The following NRROS variants were observed in gnomAD, a reference collection of about 807,000 sequenced individuals.
NRROS encodes the protein negative regulator of reactive oxygen species, also known as transforming growth factor beta activator LRRC33.
In NRROS, 6 loss-of-function variants were observed where a neutral mutation model predicts 12.0. That is an observed-to-expected ratio of 0.50 (90% CI 0.27 to 0.98). The LOEUF (loss-of-function observed/expected upper bound fraction) is 0.98. Ranked by LOEUF, NRROS falls within the 50% of genes least tolerant of loss-of-function variation. The probability of loss-of-function intolerance (pLI) is 0.11; values close to 1 mark genes in which losing one functional copy is unlikely to be tolerated. For missense variants in NRROS, 857 were observed against 888.2 expected (o/e 0.96, Z 0.45); for synonymous variants, 462 against 410.2 (o/e 1.13, Z -1.53).
intron 1 of NRROS, among the ~76,000 whole-genome samples, chr3:196,645,148 A>G (rs1175602114): frequency 6.6e-6 from 1 of 152,216 alleles, no homozygotes; most frequent in African/African-American, 2.4e-5. Flanking sequence ...ACACTGCCAT[A>G]TGAATTACTG....
In NRROS at chr3:196,648,766, C is replaced by CAAAAAAA. The variant is rs34359599; in HGVS notation, c.-13-5743_-13-5737dup. On this transcript the variant is annotated intron_variant, in intron 1 of 2. Transcript: ENST00000328557. The stretch of plus-strand genomic sequence containing the variant: ...GGGCAACAAGAGTGAAACTCCATCT[C>CAAAAAAA]AAAAAAAAAAAAAAAAAAAAAAAAT... Among the ~76,000 whole-genome samples the CAAAAAAA allele has an allele frequency of 7.3e-3, 549 of 74,734 alleles. 23 individuals are homozygous for CAAAAAAA. Among genetic ancestry groups the CAAAAAAA allele is most frequent in the African/African-American group, 0.021 (376 of 17,508 alleles). The allele number at this position is 74,734 out of a possible 152,430, so 49.0% of individuals were successfully genotyped here.
chr3:196,646,051 C>G (rs1186941565), intron 1 of NRROS, among the ~76,000 whole-genome samples: 1 of 152,260 alleles, frequency 6.6e-6, no homozygotes, highest in Non-Finnish European at 1.5e-5. Context: ...CCCCCGCCCA[C>G]TAAACGTGAA....
intron 1 of NRROS, among the ~76,000 whole-genome samples, chr3:196,641,065 G>A (rs7636495): frequency 0.14 from 21,139 of 151,884 alleles, 1,678 homozygotes; most frequent in Non-Finnish European, 0.18. Context: ...TTGTGTGTGT[G>A]TGCCCGAGAG....
Position 196,660,973 on chromosome 3 carries a change from C to A in NRROS, c.1330C>A (p.Pro444Thr), listed in dbSNP as rs748858339. The A allele has an allele frequency of 1.9e-6, 3 of 1,614,210 alleles. No homozygotes were observed. The highest frequency in any genetic ancestry group is 2.2e-5 in the South Asian group (2 of 91,088). ...CAATCAGATCTCACTTTGTCCCCTG[C>A]CAGCTGCCTCGGACCGGGTGGGCCC... ...SHNQISLCPLPAASDRVGPPS... is the reference protein window; with the variant it reads ...SHNQISLCPLTAASDRVGPPS... The change falls in exon 3 of 3, where the codon CCA becomes ACA. Residue 444 changes from proline (P) to threonine (T), a missense_variant. By Grantham distance (38) the Pro-to-Thr change is conservative. Coordinates refer to ENST00000328557, the MANE Select transcript of NRROS (RefSeq NM_198565.3). This position sits in a 1 kb window ranked among gnomAD's most constrained non-coding sequence, Gnocchi z 7.7.
intron 2 of NRROS, among the ~76,000 whole-genome samples, chr3:196,658,130 A>G (rs1043307842): frequency 6.6e-6 from 1 of 152,208 alleles, no homozygotes; most frequent in African/African-American, 2.4e-5. Flanking sequence ...TATTCATGAG[A>G]TGAATGCATA....
In NRROS at chr3:196,659,902, A is replaced by C. The variant is rs1204033609; in HGVS notation, c.259A>C (p.Ser87Arg). Residue 87 changes from serine (S) to arginine (R), a missense_variant, in exon 3 of 3, where the codon AGC (serine) becomes CGC (arginine). By Grantham distance (110) the Ser-to-Arg change is moderately radical. Transcript: ENST00000328557. Reference protein sequence around the residue: ...LQPYPLLESLSLHSCHLERIS... With the variant: ...LQPYPLLESLRLHSCHLERIS... ...GCCTTACCCTCTCCTGGAGAGCCTC[A>C]GCCTGCACAGCTGCCACCTGGAGCG... The C allele has an allele frequency of 4.3e-6, 7 of 1,613,980 alleles. No homozygotes were observed. Among genetic ancestry groups the C allele is most frequent in the Non-Finnish European group, 5.9e-6 (7 of 1,179,996 alleles).
rs1407934369 is a variant in NRROS, at chr3:196,654,979, G to T, written c.108+332G>T. On this transcript the variant is annotated intron_variant, in intron 2 of 2. Transcript: ENST00000328557. This position sits in a 1 kb window ranked among gnomAD's most constrained non-coding sequence, Gnocchi z 4.4. ...AGGCCGGGTGCAGTGGCTCAGGCCT[G>T]TAATCCCAGCACTTTAGGAGGCCGA... 1 of 238,426 alleles carries T rather than the reference G, an allele frequency of 4.2e-6. No homozygotes were observed. Among genetic ancestry groups the T allele is most frequent in the Non-Finnish European group, 8.2e-6 (1 of 121,812 alleles). 14.8% of individuals were successfully genotyped at this position (238,426 alleles called of 1,614,324 possible).
intron 1 of NRROS, among the ~76,000 whole-genome samples, chr3:196,650,811 G>T (rs551298263): frequency 6.6e-6 from 1 of 152,320 alleles, no homozygotes; most frequent in Admixed American, 6.5e-5. Flanking sequence ...TGGCTATGGA[G>T]TAGACTCACA....
chr3:196,651,221 A>C (rs1365519455), intron 1 of NRROS, among the ~76,000 whole-genome samples: 1 of 152,194 alleles, frequency 6.6e-6, no homozygotes, highest in Non-Finnish European at 1.5e-5. Flanking sequence ...CACTATTTTG[A>C]AAGCCTTTTA....
chr3:196,645,718 A>T (rs1396882987), intron 1 of NRROS, among the ~76,000 whole-genome samples: 1 of 152,086 alleles, frequency 6.6e-6, no homozygotes, highest in Non-Finnish European at 1.5e-5. Flanking sequence ...GTGGGGGGAT[A>T]TATTTTCATT....
At chr3:196,646,567 C>T (rs935309160) in intron 1 of NRROS, among the ~76,000 whole-genome samples, 18 of 152,342 alleles carry the variant, frequency 1.2e-4, no homozygotes, top group African/African-American at 3.8e-4. Flanking sequence ...ACCAGGCCGA[C>T]GCTGACCACG....
In NRROS at chr3:196,660,508, G is replaced by C; in HGVS notation, c.865G>C (p.Asp289His). 1 of 1,614,112 alleles carries C rather than the reference G, an allele frequency of 6.2e-7. No individual in the cohort carries two copies. Among genetic ancestry groups the C allele is most frequent in the Non-Finnish European group, 8.5e-7 (1 of 1,180,024 alleles). The change falls in exon 3 of 3, where the codon GAC (aspartate) becomes CAC (histidine). Residue 289 changes from aspartate to histidine, a missense_variant. Physicochemically the swap from Asp to His is moderately conservative, Grantham distance 81. Coordinates refer to ENST00000328557, the MANE Select transcript of NRROS (RefSeq NM_198565.3). The surrounding 1 kb of genome is among the most constrained non-coding windows in gnomAD (Gnocchi z 7.7). The part of the protein sequence containing the change: ...LRDNNMGFYR[D>H]LYNTSSPREM... ...CGACAACAACATGGGCTTCTACCGG[G>C]ACCTGTACAACACCTCGTCGCCGAG...
In NRROS at chr3:196,645,673, A is replaced by G. The variant is rs1235857376; in HGVS notation, c.-14+5798A>G. Among the ~76,000 whole-genome samples, 3 of 152,118 alleles carry G rather than the reference A, an allele frequency of 2.0e-5. No homozygotes were observed. The East Asian group carries it at 5.8e-4, about 29-fold the overall frequency. On this transcript the variant is annotated intron_variant, in intron 1 of 2. Transcript: ENST00000328557. ...GGAATCCATATGCTTTCGTTCTTCAATCGTACACTTTCTCAAGGAAACCAA... is the reference window on the plus strand; with the variant it reads ...GGAATCCATATGCTTTCGTTCTTCAGTCGTACACTTTCTCAAGGAAACCAA...
At position 196,660,023 on chromosome 3, in the gene NRROS, C is replaced by T. The variant is rs1261488095; in HGVS notation, c.380C>T (p.Ala127Val). The change falls in exon 3 of 3, where the codon GCC becomes GTC. Residue 127 changes from alanine (A) to valine (V), a missense_variant. Transcript: ENST00000328557. The surrounding 1 kb of genome is among the most constrained non-coding windows in gnomAD (Gnocchi z 7.7). ...LSENYEETAA[A>V]LHALPGLRRL... ...GAGAACTACGAAGAGACGGCAGCCG[C>T]CCTCCACGCCCTGCCGGGCCTGCGG... The T allele has an allele frequency of 6.2e-7, 1 of 1,613,372 alleles. No individual in the cohort carries two copies. Among genetic ancestry groups the T allele is most frequent in the Non-Finnish European group, 8.5e-7 (1 of 1,179,936 alleles).
intron 2 of NRROS, 21 bp from the exon 3 acceptor site, chr3:196,659,731 C>T: frequency 6.3e-7 from 1 of 1,594,610 alleles, no homozygotes; most frequent in African/African-American, 1.3e-5. Context: ...TCGCTGCTGA[C>T]CGGTGTGGTT....
Position 196,660,911 on chromosome 3 carries a change from C to T in NRROS, c.1268C>T (p.Ala423Val). 6.2e-7 allele frequency: 1 copy of T among 1,614,172 alleles called. No individual in the cohort carries two copies. Among genetic ancestry groups the T allele is most frequent in the East Asian group, 2.2e-5 (1 of 44,880 alleles). Residue 423 changes from alanine to valine, a missense_variant, in exon 3 of 3, where the codon GCC becomes GTC. Transcript: ENST00000328557. The surrounding 1 kb of genome is among the most constrained non-coding windows in gnomAD (Gnocchi z 7.7). ...CTGGGCGTCCCCCCTGGCCTCTTCGCCAATGCTAGGAACATCACTACACTT... is the reference window on the plus strand; with the variant it reads ...CTGGGCGTCCCCCCTGGCCTCTTCGTCAATGCTAGGAACATCACTACACTT... ...QLLGVPPGLFANARNITTLDM... is the reference protein window; with the variant it reads ...QLLGVPPGLFVNARNITTLDM...
chr3:196,641,421 C>T (rs965695645), intron 1 of NRROS, among the ~76,000 whole-genome samples: 1 of 152,092 alleles, frequency 6.6e-6, no homozygotes, highest in Non-Finnish European at 1.5e-5. Flanking sequence ...TGCTGTGTTG[C>T]CCAGGCTGGT....
rs1308730438 is a variant in NRROS, at chr3:196,659,943, C to T, written c.300C>T (p.Ala100=). 5 of 1,613,956 alleles carry T rather than the reference C, an allele frequency of 3.1e-6. No homozygotes were observed. The highest frequency in any genetic ancestry group is 4.2e-6 in the Non-Finnish European group (5 of 1,179,998). ...ACCTGGAGCGCATCAGCCGCGGCGCCTTCCAGGAGCAAGGTCACCTGCGCA... is the reference window on the plus strand; with the variant it reads ...ACCTGGAGCGCATCAGCCGCGGCGCTTTCCAGGAGCAAGGTCACCTGCGCA... ...SCHLERISRG[A]FQEQGHLRSL... is the part of the protein sequence containing the mutation. Residue 100 remains alanine, a synonymous_variant, in exon 3 of 3, where the codon GCC becomes GCT. Transcript: ENST00000328557.
intron 2 of NRROS, among the ~76,000 whole-genome samples, chr3:196,657,470 C>G (rs1408852928): frequency 6.6e-6 from 1 of 151,712 alleles, no homozygotes; most frequent in East Asian, 2.0e-4. Flanking sequence ...ACCTGTAATC[C>G]CAGCACTTGG....
Sources: gnomAD v4.1 joint callset for allele counts (sites outside exome capture counted in the v4.1 genomes callset) on GRCh38, gnomAD v4.1.1 for gene constraint, Gnocchi (gnomAD v3.1) non-coding constraint, MANE v1.5 for transcripts, NCBI Gene and HGNC (gene_info 2026-07-23, HGNC 2026-07-21) for gene names.